PAIP2: variants seen among roughly 807,000 people sequenced by gnomAD.
PAIP2 encodes polyadenylate-binding protein-interacting protein 2.
A neutral mutation model predicts 14.8 loss-of-function variants in PAIP2; 7 were observed. That is an observed-to-expected ratio of 0.47 (90% CI 0.27 to 0.89). PAIP2 has a LOEUF of 0.89. Among genes scored for constraint, PAIP2 ranks in the 40% least tolerant of loss-of-function variants. The pLI, the probability that PAIP2 is intolerant of heterozygous loss-of-function variation, is 0.13. For missense variants in PAIP2, 122 were observed against 154.7 expected (o/e 0.79, Z 1.12); for synonymous variants, 47 against 45.3 (o/e 1.04, Z -0.15).
chr5:139,367,385 T>A (rs1159317432), intron 3 of PAIP2: 2 of 152,232 alleles, frequency 1.3e-5, no homozygotes, highest in Admixed American at 6.5e-5. Flanking sequence ...TCCTAGATGC[T>A]GACAAGTCTA....
chr5:139,349,983 A>C (rs1756677194), intron 1 of PAIP2, among the ~76,000 whole-genome samples: 2 of 151,198 alleles, frequency 1.3e-5, no homozygotes, highest in African/African-American at 4.9e-5. Context: ...GCCTGGCGAC[A>C]GAGTGAGACT....
intron 1 of PAIP2, among the ~76,000 whole-genome samples, chr5:139,357,214 A>G (rs984909818): frequency 6.6e-6 from 1 of 152,216 alleles, no homozygotes; most frequent in African/African-American, 2.4e-5. Context: ...CTGCATGGGC[A>G]GAGCCTGAGC....
At chr5:139,353,213 G>GTTAAGTCATTGTCTGTTTTCGGTCCT (rs1756802425) in intron 1 of PAIP2, among the ~76,000 whole-genome samples, 3 of 151,526 alleles carry the variant, frequency 2.0e-5, no homozygotes, top group Non-Finnish European at 4.4e-5. Flanking sequence ...TTACTGTATT[G>GTTAAGTCATTGTCTGTTTTCGGTCCT]TTAAGTCATT....
chr5:139,358,406 G>A (rs1048090752), intron 1 of PAIP2, among the ~76,000 whole-genome samples: 7 of 152,206 alleles, frequency 4.6e-5, no homozygotes, highest in African/African-American at 1.7e-4. Context: ...AGGATTGGGA[G>A]TGAGGATTGT....
intron 3 of PAIP2, among the ~76,000 whole-genome samples, chr5:139,368,074 G>T (rs765130924): frequency 2.0e-5 from 3 of 152,182 alleles, no homozygotes; most frequent in Admixed American, 1.3e-4. Context: ...GGTGGCTTAC[G>T]CCTGTAATCC....
intron 1 of PAIP2, among the ~76,000 whole-genome samples, chr5:139,360,825 G>A (rs1757048915): frequency 6.6e-6 from 1 of 151,218 alleles, no homozygotes; most frequent in Non-Finnish European, 1.5e-5. Context: ...TTCTTGCCCA[G>A]GCTGAAGTGC....
At chr5:139,356,398 A>G (rs1053313951) in intron 1 of PAIP2, among the ~76,000 whole-genome samples, 2 of 151,868 alleles carry the variant, frequency 1.3e-5, no homozygotes, top group Non-Finnish European at 1.5e-5. Flanking sequence ...GTGAGCCAAG[A>G]TCGCGCCATT....
At position 139,348,177 on chromosome 5, in the gene PAIP2, A is replaced by AATTT. The variant is rs201364549; in HGVS notation, c.-27+6216_-27+6219dup. Among the ~76,000 whole-genome samples the AATTT allele has an allele frequency of 3.0e-3, 452 of 150,030 alleles. 15 individuals carry two copies. Among genetic ancestry groups the AATTT allele is most frequent in the Admixed American group, 0.023 (338 of 14,994 alleles). On this transcript the variant is annotated intron_variant, in intron 1 of 3. Coordinates refer to ENST00000265192, the MANE Select transcript of PAIP2 (RefSeq NM_016480.5). ...AAAAAAAAAAAAACTACGAGTGATG[A>AATTT]ATTTATTTATTTATTTATTTATATT...
intron 1 of PAIP2, among the ~76,000 whole-genome samples, chr5:139,352,427 CAA>C (rs2152048059): frequency 6.7e-6 from 1 of 148,310 alleles, no homozygotes; most frequent in South Asian, 2.1e-4. Flanking sequence ...TGCCTTGAAA[CAA>C]ATACAGGCTG....
At chr5:139,349,373 T>A (rs1756657288) in intron 1 of PAIP2, among the ~76,000 whole-genome samples, 1 of 152,102 alleles carries the variant, frequency 6.6e-6, no homozygotes, top group Non-Finnish European at 1.5e-5. Flanking sequence ...CTCAGCTTCC[T>A]GACTAGCTAG....
rs990556827 is a variant in PAIP2 at position 139,341,989 on chromosome 5, T to A, written c.-27+9T>A. On this transcript the variant is annotated intron_variant, in intron 1 of 3. Transcript: ENST00000265192. ...CCGCTGCTGTGCATTGGGTGAGGGG[T>A]CCTCTCGGGCAGAGTGGCGACAGGG... The A allele has an allele frequency of 6.6e-6, 1 of 152,546 alleles. No individual in the cohort carries two copies. Among genetic ancestry groups the A allele is most frequent in the African/African-American group, 2.4e-5 (1 of 41,388 alleles). 9.4% of individuals were successfully genotyped at this position (152,546 alleles called of 1,614,324 possible). A position where few individuals can be genotyped will look rare whatever the true frequency, so the allele number is the denominator to read the frequency against.
At chr5:139,362,768 G>A (rs996144408) in intron 1 of PAIP2, among the ~76,000 whole-genome samples, 2 of 151,792 alleles carry the variant, frequency 1.3e-5, no homozygotes, top group Non-Finnish European at 2.9e-5. Context: ...TCAAACTCCT[G>A]ACCTTAAATG....
At chr5:139,348,887 G>C (rs1192613474) in intron 1 of PAIP2, among the ~76,000 whole-genome samples, 2 of 149,108 alleles carry the variant, frequency 1.3e-5, no homozygotes, top group African/African-American at 5.0e-5. Context: ...TGTTGGCCAG[G>C]CTAGTCTTGA....
At chr5:139,363,124 C>T (rs1388376256) in intron 1 of PAIP2, among the ~76,000 whole-genome samples, 1 of 151,994 alleles carries the variant, frequency 6.6e-6, no homozygotes, top group African/African-American at 2.4e-5. Flanking sequence ...GCCTGTAATC[C>T]CAGCTACTTG....
Position 139,368,890 on chromosome 5 carries a change from T to C in PAIP2, c.*92T>C, listed in dbSNP as rs773301837. ...TTAATTGTAAAAGCTCTCTTGTCAC[T>C]GTGTTACACTTATGCATTGCCAAAG... On this transcript the variant is annotated 3_prime_UTR_variant, in exon 4 of 4. Transcript: ENST00000265192. 9 of 947,718 alleles carry C rather than the reference T, an allele frequency of 9.5e-6. No individual in the cohort carries two copies. The highest frequency in any genetic ancestry group is 1.7e-5 in the African/African-American group (1 of 60,510). 58.7% of individuals were successfully genotyped at this position (947,718 alleles called of 1,614,324 possible). A position where few individuals can be genotyped will look rare whatever the true frequency, so the allele number is the denominator to read the frequency against.
At chr5:139,365,986 G>A (rs950420124) in intron 3 of PAIP2, among the ~76,000 whole-genome samples, 18 of 152,084 alleles carry the variant, frequency 1.2e-4, no homozygotes, top group African/African-American at 4.3e-4. Flanking sequence ...CGGATCACGA[G>A]GTCAAGAGTT....
chr5:139,368,599 G>A, intron 3 of PAIP2, 134 bp from the exon 4 acceptor site: 1 of 627,872 alleles, frequency 1.6e-6, no homozygotes, highest in Admixed American at 3.0e-5. Context: ...TCCTTTTTGG[G>A]GTTTAGTATA....
intron 1 of PAIP2, among the ~76,000 whole-genome samples, chr5:139,358,391 G>T (rs936163711): frequency 2.6e-5 from 4 of 152,124 alleles, no homozygotes; most frequent in Non-Finnish European, 5.9e-5. Context: ...CTTACTTTTG[G>T]GAAAAGGATT....
intron 3 of PAIP2, among the ~76,000 whole-genome samples, chr5:139,365,767 G>A (rs937215902): frequency 2.0e-5 from 3 of 152,130 alleles, no homozygotes; most frequent in African/African-American, 7.2e-5. Context: ...AGTCTTAGAC[G>A]GACTTCTAGC....
Sources: gnomAD v4.1 joint callset for allele counts (sites outside exome capture counted in the v4.1 genomes callset) on GRCh38, gnomAD v4.1.1 for gene constraint, MANE v1.5 for transcripts, NCBI Gene and HGNC (gene_info 2026-07-23, HGNC 2026-07-21) for gene names.